The following MGA variants were observed in gnomAD, a reference collection of about 807,000 sequenced individuals.
The protein encoded by MGA is MAX gene-associated protein.
Under a neutral mutation model 261.1 loss-of-function variants are expected in MGA, and 40 were observed. The observed-to-expected ratio is 0.15, with a 90% CI of 0.12 to 0.20. The LOEUF (loss-of-function observed/expected upper bound fraction) is 0.20, where lower values mean the gene tolerates loss of function less well. Among genes scored for constraint, MGA ranks in the 10% least tolerant of loss-of-function variants. The probability of loss-of-function intolerance (pLI) is 1.00; values close to 1 mark genes in which losing one functional copy is unlikely to be tolerated. For missense variants in MGA, 3,397 were observed against 3,630.5 expected (o/e 0.94, Z 1.65); for synonymous variants, 1,302 against 1,290.6 (o/e 1.01, Z -0.19).
chr15:41,694,835 A>G (rs1291693453), intron 2 of MGA, among the ~76,000 whole-genome samples: 1 of 151,988 alleles, frequency 6.6e-6, no homozygotes, highest in Non-Finnish European at 1.5e-5. Flanking sequence ...CAGTGGTGCA[A>G]TTGTAGCTCA....
At position 41,736,572 on chromosome 15, in the gene MGA, C is replaced by A; in HGVS notation, c.4308C>A (p.Ala1436=). 6.2e-7 allele frequency: 1 copy of A among 1,613,950 alleles called. No homozygotes were observed. Among genetic ancestry groups the A allele is most frequent in the Non-Finnish European group, 8.5e-7 (1 of 1,179,898 alleles). Residue 1436 remains alanine (A), a synonymous_variant, in exon 13 of 24, where the codon GCC becomes GCA. Transcript: ENST00000219905. ...ATATCTCTCCTGTGCAGACAGATGC[C>A]CTGGATTCAGTGAGGGAGAGATTAC...
At chr15:41,647,517 C>T (rs956300058) in intron 1 of MGA, among the ~76,000 whole-genome samples, 1 of 152,116 alleles carries the variant, frequency 6.6e-6, no homozygotes, top group Admixed American at 6.6e-5. Flanking sequence ...TCTGCCACTT[C>T]CTTGTTCTTT....
At chr15:41,760,793 A>G (rs901777327) in intron 20 of MGA, among the ~76,000 whole-genome samples, 7 of 151,912 alleles carry the variant, frequency 4.6e-5, no homozygotes, top group Admixed American at 3.9e-4. Flanking sequence ...CTGGAGTACA[A>G]TGGCACGATC....
At chr15:41,678,231 C>T (rs1370485084) in intron 2 of MGA, among the ~76,000 whole-genome samples, 2 of 151,506 alleles carry the variant, frequency 1.3e-5, no homozygotes, top group South Asian at 2.1e-4. Context: ...GCTGGGATTA[C>T]AGGCGCTGGC....
At chr15:41,695,170 A>T (rs917626176) in intron 2 of MGA, among the ~76,000 whole-genome samples, 3 of 149,622 alleles carry the variant, frequency 2.0e-5, no homozygotes, top group Non-Finnish European at 4.4e-5. Flanking sequence ...TTAATTCGTC[A>T]TTACTTTATG....
chr15:41,703,752 T>G (rs1026794774), intron 5 of MGA, among the ~76,000 whole-genome samples: 1 of 152,028 alleles, frequency 6.6e-6, no homozygotes, highest in Non-Finnish European at 1.5e-5. Flanking sequence ...AAAATAAAAA[T>G]AAAAAATTCA....
intron 1 of MGA, among the ~76,000 whole-genome samples, chr15:41,645,711 T>G (rs2056923245): frequency 6.6e-6 from 1 of 152,216 alleles, no homozygotes; most frequent in African/African-American, 2.4e-5. Flanking sequence ...GAAATTCCCT[T>G]TTCACTTGCA....
intron 23 of MGA, 120 bp downstream of exon 23, chr15:41,765,182 C>T (rs1265266904): frequency 9.1e-6 from 11 of 1,209,186 alleles, no homozygotes; most frequent in African/African-American, 6.0e-5. Context: ...TTGGCATTTG[C>T]CTTGGTAAGA....
At position 41,736,494 on chromosome 15, in the gene MGA, G is replaced by A; in HGVS notation, c.4230G>A (p.Glu1410=). 2 of 1,614,054 alleles carry A rather than the reference G, an allele frequency of 1.2e-6. No individual in the cohort carries two copies. The highest frequency in any genetic ancestry group is 1.7e-6 in the Non-Finnish European group (2 of 1,179,902). Residue 1410 remains glutamate (E), a synonymous_variant, in exon 13 of 24, where the codon GAG becomes GAA. Coordinates refer to ENST00000219905, the MANE Select transcript of MGA (RefSeq NM_001164273.2). ...GTCAAGACCAAGATGATATGGCTGA[G>A]AAATCTGGATCAGAGACTCCTGATG...
At chr15:41,754,322 T>G in intron 17 of MGA, 115 bp from the exon 18 acceptor site, 25 of 888,756 alleles carry the variant, frequency 2.8e-5, no homozygotes, top group East Asian at 8.4e-5. Flanking sequence ...TCAGTACTCA[T>G]GATATAACAT....
chr15:41,716,209 C>T (rs551989890), intron 9 of MGA, among the ~76,000 whole-genome samples: 41 of 151,534 alleles, frequency 2.7e-4, no homozygotes, highest in African/African-American at 9.9e-4. Flanking sequence ...GCACTTTGGA[C>T]GGCTGAGGCG....
At position 41,669,574 on chromosome 15, in the gene MGA, C is replaced by G; in HGVS notation, c.680C>G (p.Thr227Ser). 1 of 1,613,990 alleles carries G rather than the reference C, an allele frequency of 6.2e-7. No homozygotes were observed. Among genetic ancestry groups the G allele is most frequent in the East Asian group, 2.2e-5 (1 of 44,892 alleles). ...AATGGCCCTGGTGTCCACACTTTTA[C>G]CTTCCCACAGACTGAATTCTTTGCA... is the stretch of plus-strand genomic sequence containing the variant. The change falls in exon 2 of 24, where the codon ACC (threonine) becomes AGC (serine). Residue 227 changes from threonine to serine, a missense_variant. Physicochemically the swap from Thr to Ser is moderately conservative, Grantham distance 58. This residue lies in a region of MGA where 104 missense variants were observed against 212.9 expected (regional missense o/e 0.49). Transcript: ENST00000219905.
At chr15:41,622,158 C>T (rs914971938) in intron 1 of MGA, among the ~76,000 whole-genome samples, 7 of 152,040 alleles carry the variant, frequency 4.6e-5, no homozygotes, top group African/African-American at 1.7e-4. Flanking sequence ...GCGTGGCAAG[C>T]GTCGGTGAGA....
chr15:41,743,250 A>G, intron 15 of MGA, 78 bp downstream of exon 15: 2 of 1,422,254 alleles, frequency 1.4e-6, no homozygotes, highest in South Asian at 2.9e-5. Flanking sequence ...TTAGGATTAT[A>G]GATATATCAG....
At chr15:41,712,841 T>G (rs79533706) in intron 8 of MGA, among the ~76,000 whole-genome samples, 1 of 152,218 alleles carries the variant, frequency 6.6e-6, no homozygotes, top group Non-Finnish European at 1.5e-5. Context: ...AGTGAAACTT[T>G]ATGACACAGG....
intron 1 of MGA, among the ~76,000 whole-genome samples, chr15:41,626,794 C>G (rs1024875216): frequency 2.0e-5 from 3 of 152,022 alleles, no homozygotes; most frequent in African/African-American, 7.2e-5. Flanking sequence ...TTTCATATAC[C>G]TAGCTTCCCT....
intron 1 of MGA, among the ~76,000 whole-genome samples, chr15:41,660,964 T>C (rs887435431): frequency 6.6e-6 from 1 of 152,242 alleles, no homozygotes. Context: ...CTAGGTCTCG[T>C]GGTTCTAGAA....
At chr15:41,742,368 A>G (rs1281323964) in intron 14 of MGA, among the ~76,000 whole-genome samples, 178 bp from the exon 15 acceptor site, 1 of 152,078 alleles carries the variant, frequency 6.6e-6, no homozygotes, top group Non-Finnish European at 1.5e-5. Flanking sequence ...TAGCCTGGGC[A>G]ACAAGAAAGA....
At chr15:41,668,049 T>G (rs1216990869) in intron 1 of MGA, among the ~76,000 whole-genome samples, 1 of 151,652 alleles carries the variant, frequency 6.6e-6, no homozygotes, top group Admixed American at 6.6e-5. Flanking sequence ...AATGATCCAC[T>G]GGCCTCAGCC....
Sources: gnomAD v4.1 joint callset for allele counts (sites outside exome capture counted in the v4.1 genomes callset) on GRCh38, gnomAD v4.1.1 for gene constraint, gnomAD v4.1.1 regional missense constraint, MANE v1.5 for transcripts, NCBI Gene and HGNC (gene_info 2026-07-23, HGNC 2026-07-21) for gene names.